The following ARHGEF2 variants were observed in gnomAD, a reference collection of about 807,000 sequenced individuals.
ARHGEF2 encodes the protein rho guanine nucleotide exchange factor 2.
A neutral mutation model predicts 121.0 loss-of-function variants in ARHGEF2; 22 were observed. The observed-to-expected ratio is 0.18, with a 90% CI of 0.13 to 0.26. The LOEUF is 0.26. Ranked by LOEUF, ARHGEF2 falls within the 10% of genes least tolerant of loss-of-function variation. ARHGEF2 has a pLI of 1.00. For missense variants in ARHGEF2, 907 were observed against 1,336.0 expected, an observed-to-expected ratio of 0.68 and a Z score of 5.01; for synonymous variants, 487 against 530.0, an observed-to-expected ratio of 0.92 and a Z score of 1.11.
At chr1:155,963,537 G>A (rs1032142563) in intron 7 of ARHGEF2, among the ~76,000 whole-genome samples, 2 of 150,788 alleles carry the variant, frequency 1.3e-5, no homozygotes, top group Non-Finnish European at 3.0e-5. Flanking sequence ...GTAGAGATGG[G>A]GTTTCTTCAT....
chr1:155,953,823 G>C (rs1676034255), intron 14 of ARHGEF2, among the ~76,000 whole-genome samples: 1 of 151,976 alleles, frequency 6.6e-6, no homozygotes, highest in African/African-American at 2.4e-5. Flanking sequence ...CTCCTTGCTA[G>C]GTGTGATACA....
rs1259062094 is a variant in ARHGEF2, at chr1:155,947,099, T to C, written c.*843A>G. ...TAAATGGCTGGGGAAGAGGTCAGTA[T>C]AGGTCCCCCCGTTACTGCAGATGAA... On this transcript the variant is annotated 3_prime_UTR_variant, in exon 22 of 22. Transcript: ENST00000361247. 2.9e-6 allele frequency: 1 copy of C among 342,056 alleles called. No individual in the cohort carries two copies. Among genetic ancestry groups the C allele is most frequent in the Non-Finnish European group, 5.8e-6 (1 of 173,576 alleles). 21.2% of individuals were successfully genotyped at this position (342,056 alleles called of 1,614,324 possible). A position where few individuals can be genotyped will look rare whatever the true frequency, so the allele number is the denominator to read the frequency against.
At chr1:155,963,344 C>CTT (rs34196691) in intron 7 of ARHGEF2, among the ~76,000 whole-genome samples, 161 bp from the exon 8 acceptor site, 6 of 91,352 alleles carry the variant, frequency 6.6e-5, no homozygotes, top group African/African-American at 1.4e-4. Flanking sequence ...TCATTTTTAT[C>CTT]TTTTTTTTTT....
rs989436868 is a variant in ARHGEF2 at position 155,978,165 on chromosome 1, C to A, written c.63+200G>T. ...TCCGCTCCCTCCCGGGATCCCAGCA[C>A]CGTCGCGTCTGCCGCTCCCCCCACC... On this transcript the variant is annotated intron_variant, in intron 1 of 21. Coordinates refer to ENST00000361247, the MANE Select transcript of ARHGEF2 (RefSeq NM_001162383.2). This position sits in a 1 kb window ranked among gnomAD's most constrained non-coding sequence, Gnocchi z 4.1. 4 of 1,303,300 alleles carry A rather than the reference C, an allele frequency of 3.1e-6. No individual in the cohort carries two copies. In the Admixed American group the frequency reaches 1.0e-4, roughly 33 times the overall value. The allele number at this position is 1,303,300 out of a possible 1,614,324, so 80.7% of individuals were successfully genotyped here. A position where few individuals can be genotyped will look rare whatever the true frequency, so the allele number is the denominator to read the frequency against.
intron 3 of ARHGEF2, 133 bp from the exon 4 acceptor site, chr1:155,966,612 G>T (rs1262415398): frequency 3.0e-5 from 33 of 1,104,828 alleles, no homozygotes; most frequent in Non-Finnish European, 8.2e-6. Context: ...GGGGATCAGG[G>T]TGATTGAGCC....
Position 155,963,024 on chromosome 1 carries a change from C to G in ARHGEF2, c.884G>C (p.Ser295Thr). ...ELSDIHTRFL[S>T]QLLERRRQAL... The stretch of plus-strand genomic sequence containing the variant: ...CTGGCGTCGGCGTTCTAATAGCTGG[C>G]TGAGGAAGCGTGTATGGATGTCACT... The change falls in exon 8 of 22, where the codon AGC becomes ACC. Residue 295 changes from serine to threonine, a missense_variant. This residue lies in a region of ARHGEF2 where 475 missense variants were observed against 776.5 expected (regional missense o/e 0.61). Transcript: ENST00000361247. 7 of 1,614,160 alleles carry G rather than the reference C, an allele frequency of 4.3e-6. No homozygotes were observed. The highest frequency in any genetic ancestry group is 2.5e-6 in the Non-Finnish European group (3 of 1,180,030).
chr1:155,959,650 T>A (rs1677478733), intron 11 of ARHGEF2, among the ~76,000 whole-genome samples: 1 of 152,166 alleles, frequency 6.6e-6, no homozygotes, highest in Non-Finnish European at 1.5e-5. Context: ...GTTCAAGCGA[T>A]TCTCATGCCT....
Position 155,963,117 on chromosome 1 carries a change from C to G in ARHGEF2, c.791G>C (p.Gly264Ala), listed in dbSNP as rs1423997855. The change falls in exon 8 of 22, where the codon GGG becomes GCG. Residue 264 changes from glycine to alanine, a missense_variant. By Grantham distance (60) the Gly-to-Ala change is moderately conservative (BLOSUM62 0). Coordinates refer to ENST00000361247, the MANE Select transcript of ARHGEF2 (RefSeq NM_001162383.2). Reference sequence around the variant, plus strand: ...CTCCAAGTGTAGCTCTTCCAGCATCCCCGTGCGGAAGAGGCGGGTCATGAT... The same window carrying G: ...CTCCAAGTGTAGCTCTTCCAGCATCGCCGTGCGGAAGAGGCGGGTCATGAT... ...LKIMTRLFRT[G>A]MLEELHLEPG... The G allele has an allele frequency of 6.2e-7, 1 of 1,613,844 alleles. No individual in the cohort carries two copies. The highest frequency in any genetic ancestry group is 8.5e-7 in the Non-Finnish European group (1 of 1,180,012).
chr1:155,965,288 C>G lies in ARHGEF2; in HGVS notation c.580+15G>C, dbSNP rs1471328205. 1 of 1,612,922 alleles carries G rather than the reference C, an allele frequency of 6.2e-7. No homozygotes were observed. The highest frequency in any genetic ancestry group is 1.3e-5 in the African/African-American group (1 of 74,900). ...TCATGTTCCTCAGGGCTCCCCTGGG[C>G]CCAGGCCTGCTCACCTTCGTCAATG... On this transcript the variant is annotated intron_variant, in intron 6 of 21. Coordinates refer to ENST00000361247, the MANE Select transcript of ARHGEF2 (RefSeq NM_001162383.2). The surrounding 1 kb of genome is among the most constrained non-coding windows in gnomAD (Gnocchi z 6.0).
Position 155,964,641 on chromosome 1 carries a change from C to T in ARHGEF2, c.724+347G>A, listed in dbSNP as rs114657467. ...GGGCTGGTAGAAAGAAGGACACAGC[C>T]GGGTACGGTGGCTCACGCCTGTAAT... On this transcript the variant is annotated intron_variant, in intron 7 of 21. Transcript: ENST00000361247. 3.1e-3 allele frequency among the ~76,000 whole-genome samples: 471 copies of T among 151,996 alleles called. 4 individuals are homozygous for T. Among genetic ancestry groups the T allele is most frequent in the African/African-American group, 0.01 (434 of 41,448 alleles).
rs1681740190 is a variant in ARHGEF2 at position 155,978,447 on chromosome 1, G to A, written c.-20C>T. 2 of 1,469,694 alleles carry A rather than the reference G, an allele frequency of 1.4e-6. No individual in the cohort carries two copies. The highest frequency in any genetic ancestry group is 1.8e-6 in the Non-Finnish European group (2 of 1,094,836). 91.0% of individuals were successfully genotyped at this position (1,469,694 alleles called of 1,614,324 possible). On this transcript the variant is annotated 5_prime_UTR_variant, in exon 1 of 22. Coordinates refer to ENST00000361247, the MANE Select transcript of ARHGEF2 (RefSeq NM_001162383.2). This position sits in a 1 kb window ranked among gnomAD's most constrained non-coding sequence, Gnocchi z 4.1. Reference sequence around the variant, plus strand: ...AGACATAATCGGACGGGGGGACCAGGGAGGACGCGGCGCGGACCCCGGCGT... The same window carrying A: ...AGACATAATCGGACGGGGGGACCAGAGAGGACGCGGCGCGGACCCCGGCGT...
intron 11 of ARHGEF2, among the ~76,000 whole-genome samples, chr1:155,960,762 G>A (rs1677740207): frequency 6.6e-6 from 1 of 152,194 alleles, no homozygotes; most frequent in African/African-American, 2.4e-5. Context: ...TTGGCCTCAG[G>A]TATCACAGTT....
At chr1:155,978,986 T>G, upstream of ARHGEF2, 1 of 985,664 alleles carries the variant, frequency 1.0e-6, no homozygotes, top group African/African-American at 1.7e-5. The surrounding 1 kb of genome is among the most constrained non-coding windows in gnomAD (Gnocchi z 4.1). Flanking sequence ...GACCAGTTCC[T>G]TCCTGGCCTT....
chr1:155,949,373 A>G (rs1050760622), intron 21 of ARHGEF2, among the ~76,000 whole-genome samples: 7 of 152,046 alleles, frequency 4.6e-5, no homozygotes, highest in African/African-American at 1.7e-4. Flanking sequence ...TGAGGTCAAG[A>G]GATTGAGACC....
chr1:155,949,768 T>C (rs1332391181), intron 21 of ARHGEF2, among the ~76,000 whole-genome samples: 3 of 151,644 alleles, frequency 2.0e-5, no homozygotes, highest in Non-Finnish European at 4.4e-5. Flanking sequence ...TCCTAGCTAC[T>C]TGGGAGGCTG....
chr1:155,958,951 C>G (rs1677284781), intron 11 of ARHGEF2, among the ~76,000 whole-genome samples: 1 of 151,764 alleles, frequency 6.6e-6, no homozygotes, highest in Non-Finnish European at 1.5e-5. Flanking sequence ...GATTCATGTG[C>G]TATCAGACAA....
In ARHGEF2 at chr1:155,962,286, G is replaced by T. The variant is rs776387211; in HGVS notation, c.1102-64C>A. ...GGCAACAGAAAGGCCTGGGGCCTGA[G>T]CTCTGGTGCTGGCCCTGGCGTGGCC... On this transcript the variant is annotated intron_variant, in intron 9 of 21. Coordinates refer to ENST00000361247, the MANE Select transcript of ARHGEF2 (RefSeq NM_001162383.2). The surrounding 1 kb of genome is among the most constrained non-coding windows in gnomAD (Gnocchi z 5.8). 1 of 1,510,022 alleles carries T rather than the reference G, an allele frequency of 6.6e-7. No homozygotes were observed. The highest frequency in any genetic ancestry group is 9.2e-7 in the Non-Finnish European group (1 of 1,091,986). The allele number at this position is 1,510,022 out of a possible 1,614,324, so 93.5% of individuals were successfully genotyped here. A position where few individuals can be genotyped will look rare whatever the true frequency, so the allele number is the denominator to read the frequency against.
chr1:155,951,497 G>C lies in ARHGEF2; in HGVS notation c.2245C>G (p.Leu749Val). The change falls in exon 19 of 22, where the codon CTA becomes GTA. Residue 749 changes from leucine to valine, a missense_variant. Around this residue, in one of 2 missense-constraint regions of ARHGEF2, gnomAD observed 432 missense variants for 559.5 expected, o/e 0.77. Coordinates refer to ENST00000361247, the MANE Select transcript of ARHGEF2 (RefSeq NM_001162383.2). This position sits in a 1 kb window ranked among gnomAD's most constrained non-coding sequence, Gnocchi z 5.1. ...LQRLVNLYGLLHGLQAAVAQQ... is the reference protein window; with the variant it reads ...LQRLVNLYGLVHGLQAAVAQQ... ...GTCCTACTGACCTGTAGGCCATGTA[G>C]AAGTCCATAGAGATTGACCAATCGC... 2 of 1,614,136 alleles carry C rather than the reference G, an allele frequency of 1.2e-6. No homozygotes were observed. Among genetic ancestry groups the C allele is most frequent in the Middle Eastern group, 1.6e-4 (1 of 6,062 alleles).
rs1193629137 is a variant in ARHGEF2, at chr1:155,961,250, G to A, written c.1468+411C>T. Among the ~76,000 whole-genome samples, 2 of 151,886 alleles carry A rather than the reference G, an allele frequency of 1.3e-5. No individual in the cohort carries two copies. Among genetic ancestry groups the A allele is most frequent in the Non-Finnish European group, 2.9e-5 (2 of 67,974 alleles). ...CTCCCACTGAGTCTCACTGTTGTAT[G>A]GGCTGCATAAAGGGAGGTTGATTCT... On this transcript the variant is annotated intron_variant, in intron 11 of 21. Transcript: ENST00000361247. This position sits in a 1 kb window ranked among gnomAD's most constrained non-coding sequence, Gnocchi z 4.7.
Sources: gnomAD v4.1 joint callset for allele counts (sites outside exome capture counted in the v4.1 genomes callset) on GRCh38, gnomAD v4.1.1 for gene constraint, gnomAD v4.1.1 regional missense constraint, Gnocchi (gnomAD v3.1) non-coding constraint, MANE v1.5 for transcripts, NCBI Gene and HGNC (gene_info 2026-07-23, HGNC 2026-07-21) for gene names.